Variants in KDM4C observed in about 807,000 individuals in gnomAD.
The protein encoded by KDM4C is lysine demethylase 4C.
In KDM4C, 81 loss-of-function variants were observed where a neutral mutation model predicts 129.3. That is an observed-to-expected ratio of 0.63 (90% CI 0.52 to 0.75). KDM4C has a LOEUF of 0.75. KDM4C is among the 30% of genes least tolerant of loss of function. The pLI, the probability that KDM4C is intolerant of heterozygous loss-of-function variation, is 0.00. For missense variants in KDM4C, 1,457 were observed against 1,304.0 expected, an observed-to-expected ratio of 1.12 and a Z score of -1.81; for synonymous variants, 573 against 456.1, an observed-to-expected ratio of 1.26 and a Z score of -3.26.
intron 12 of KDM4C, among the ~76,000 whole-genome samples, chr9:6,999,042 C>T (rs10975958): frequency 0.79 from 120,348 of 152,104 alleles, 47,639 homozygotes; most frequent in South Asian, 0.87. Flanking sequence ...AGCTGGCTCT[C>T]AGACACTTTG....
chr9:7,008,393 C>G (rs12002551), intron 12 of KDM4C, among the ~76,000 whole-genome samples: 3 of 152,118 alleles, frequency 2.0e-5, no homozygotes, highest in African/African-American at 7.2e-5. Context: ...AGCCAGCCTC[C>G]AAGTCTGCCT....
chr9:7,139,863 G>T (rs1841567398), intron 19 of KDM4C, among the ~76,000 whole-genome samples: 1 of 152,010 alleles, frequency 6.6e-6, no homozygotes, highest in Non-Finnish European at 1.5e-5. Flanking sequence ...TTTGACTCAG[G>T]GGCATAAGGC....
chr9:6,751,433 C>T (rs1216512961), intron 1 of KDM4C, among the ~76,000 whole-genome samples: 1 of 152,028 alleles, frequency 6.6e-6, no homozygotes, highest in African/African-American at 2.4e-5. Context: ...GTAACACACC[C>T]AGATCCTGTC....
At chr9:6,816,075 G>A (rs994729227) in intron 4 of KDM4C, among the ~76,000 whole-genome samples, 1 of 151,954 alleles carries the variant, frequency 6.6e-6, no homozygotes, top group Non-Finnish European at 1.5e-5. Flanking sequence ...CCTCCTTTAA[G>A]GATTCAGTCA....
chr9:6,847,097 A>G (rs950553588), intron 4 of KDM4C, among the ~76,000 whole-genome samples: 1 of 152,218 alleles, frequency 6.6e-6, no homozygotes, highest in Non-Finnish European at 1.5e-5. Flanking sequence ...AGATAGTGTC[A>G]GTCAGAAATA....
chr9:6,811,602 T>A (rs1330185439), intron 3 of KDM4C, among the ~76,000 whole-genome samples: 1 of 152,186 alleles, frequency 6.6e-6, no homozygotes, highest in Non-Finnish European at 1.5e-5. Context: ...TAATGGTAGG[T>A]AATATGAATC....
chr9:7,113,579 C>G (rs1361901818), intron 18 of KDM4C, among the ~76,000 whole-genome samples: 1 of 152,186 alleles, frequency 6.6e-6, no homozygotes, highest in Non-Finnish European at 1.5e-5. Flanking sequence ...AGAGCAAGGG[C>G]TTGAGGAGAG....
chr9:7,103,644 C>A, intron 17 of KDM4C, 41 bp from the exon 18 acceptor site: 4 of 1,335,798 alleles, frequency 3.0e-6, no homozygotes, highest in Non-Finnish European at 4.2e-6. Context: ...GACTGGGTTA[C>A]AGAATGTGAA....
chr9:6,843,873 A>G (rs182828210), intron 4 of KDM4C, among the ~76,000 whole-genome samples: 28 of 152,202 alleles, frequency 1.8e-4, no homozygotes, highest in African/African-American at 6.7e-4. Flanking sequence ...TTTCTTTTTG[A>G]GACATCTCAC....
At chr9:7,030,285 A>T (rs574780364) in intron 15 of KDM4C, among the ~76,000 whole-genome samples, 18 of 152,300 alleles carry the variant, frequency 1.2e-4, no homozygotes, top group Admixed American at 7.2e-4. Context: ...AACATGTGAC[A>T]CTGATAAATA....
At chr9:6,898,042 C>T (rs1158654399) in intron 8 of KDM4C, among the ~76,000 whole-genome samples, 6 of 152,094 alleles carry the variant, frequency 3.9e-5, no homozygotes, top group Admixed American at 1.3e-4. Flanking sequence ...ATCAAAGCGC[C>T]GGCCGGCAGG....
intron 8 of KDM4C, among the ~76,000 whole-genome samples, chr9:6,918,838 C>G (rs1820801120): frequency 1.3e-5 from 2 of 151,790 alleles, no homozygotes; most frequent in Admixed American, 1.3e-4. Context: ...TGAGAAGGCT[C>G]TGTTCATGTC....
At chr9:6,841,753 C>T (rs1836963854) in intron 4 of KDM4C, among the ~76,000 whole-genome samples, 1 of 152,168 alleles carries the variant, frequency 6.6e-6, no homozygotes, top group Non-Finnish European at 1.5e-5. Context: ...GTGGACAAAG[C>T]AGAATGCATG....
upstream of KDM4C, chr9:6,757,625 C>G (rs1376702387): frequency 2.9e-5 from 29 of 985,380 alleles, no homozygotes; most frequent in Non-Finnish European, 2.9e-5. Context: ...ACGCTGACGT[C>G]CGCGCGTCGG....
At chr9:6,912,984 T>A (rs1348505650) in intron 8 of KDM4C, among the ~76,000 whole-genome samples, 14 of 152,134 alleles carry the variant, frequency 9.2e-5, no homozygotes. Context: ...GCATTTTCAG[T>A]ATGTTGAGGA....
rs531589210 is a variant in KDM4C, at chr9:7,108,583, A to G, written c.2610+4713A>G. ...GGGTCTTTAGGCCAGCTCCCAGGCC[A>G]GTTTTATTGCAACTCCTTCCTGTCC... On this transcript the variant is annotated intron_variant, in intron 18 of 21. Coordinates refer to ENST00000381309, the MANE Select transcript of KDM4C (RefSeq NM_015061.6). Among the ~76,000 whole-genome samples, 4 of 152,306 alleles carry G rather than the reference A, an allele frequency of 2.6e-5. No individual in the cohort carries two copies. In the East Asian group the frequency reaches 5.8e-4, roughly 22 times the overall value.
chr9:6,853,365 G>A (rs1315156509), intron 5 of KDM4C, among the ~76,000 whole-genome samples: 2 of 152,086 alleles, frequency 1.3e-5, no homozygotes, highest in East Asian at 1.9e-4. Context: ...AGTGGCTCAC[G>A]CCTGTAGCCC....
chr9:6,869,394 A>G (rs1842524437), intron 5 of KDM4C, among the ~76,000 whole-genome samples: 1 of 152,248 alleles, frequency 6.6e-6, no homozygotes, highest in South Asian at 2.1e-4. Context: ...CTTACAAGGC[A>G]AGAGGACTGG....
chr9:6,791,305 G>C (rs1042894578), intron 1 of KDM4C, among the ~76,000 whole-genome samples: 5 of 152,138 alleles, frequency 3.3e-5, no homozygotes, highest in African/African-American at 1.2e-4. Context: ...TAGAGATGGC[G>C]TTTTACCGTG....
Sources: allele counts gnomAD v4.1 joint callset (sites outside exome capture counted in the v4.1 genomes callset), GRCh38; gene constraint gnomAD v4.1.1; transcripts MANE v1.5; gene names NCBI Gene and HGNC (gene_info 2026-07-23, HGNC 2026-07-21).